The following IL1RAPL2 variants were observed in gnomAD, a reference collection of about 807,000 sequenced individuals.
IL1RAPL2 encodes the protein interleukin 1 receptor accessory protein like 2.
IL1RAPL2 carries 3 observed loss-of-function variants against 44.1 expected under a neutral mutation model. The observed-to-expected ratio is 0.07, with a 90% CI of 0.03 to 0.18. The LOEUF is 0.18. Ranked by LOEUF, IL1RAPL2 falls within the 10% of genes least tolerant of loss-of-function variation. IL1RAPL2 has a pLI of 1.00. For synonymous variants in IL1RAPL2, 181 were observed against 178.8 expected (o/e 1.01, Z -0.10); for missense variants, 391 against 496.4 (o/e 0.79, Z 2.02).
chrX:105,338,980 G>T (rs2035050321), intron 5 of IL1RAPL2, among the ~76,000 whole-genome samples: 1 of 111,186 alleles, frequency 9.0e-6, no homozygotes, highest in Non-Finnish European at 1.9e-5. Context: ...GTGTGCGCCT[G>T]TAATCCCAGC....
chrX:105,008,649 C>T (rs2030988393), intron 2 of IL1RAPL2, among the ~76,000 whole-genome samples: 1 of 110,913 alleles, frequency 9.0e-6, no homozygotes, highest in Non-Finnish European at 1.9e-5. Flanking sequence ...CATAAAAACC[C>T]TAGAGGAAAA....
chrX:104,999,183 C>T (rs1325165453), intron 2 of IL1RAPL2, among the ~76,000 whole-genome samples: 1 of 111,558 alleles, frequency 9.0e-6, no homozygotes, highest in Non-Finnish European at 1.9e-5. Context: ...GCAGGAGTGC[C>T]ATCTTGAGAA....
In IL1RAPL2 at chrX:105,495,484, A is replaced by G. The variant is rs1282883170; in HGVS notation, c.772+11097A>G. Among the ~76,000 whole-genome samples the G allele has an allele frequency of 8.0e-5, 9 of 112,211 alleles. No individual in the cohort carries two copies. The Admixed American group carries it at 8.5e-4, about 11-fold the overall frequency. On this transcript the variant is annotated intron_variant, in intron 6 of 10. Transcript: ENST00000372582. ...CTATGTATATTGAAATGTGGTGTAC[A>G]TTTGTAAGACACTTATTTTCCAAGA...
intron 3 of IL1RAPL2, among the ~76,000 whole-genome samples, chrX:105,224,332 A>G (rs2033995343): frequency 8.9e-6 from 1 of 112,176 alleles, no homozygotes; most frequent in Non-Finnish European, 1.9e-5. Context: ...ACAAAAGGTC[A>G]TTAGATTTAG....
At chrX:105,759,374 T>C (rs1314339272) in intron 10 of IL1RAPL2, among the ~76,000 whole-genome samples, 1 of 111,793 alleles carries the variant, frequency 8.9e-6, no homozygotes, top group African/African-American at 3.2e-5. Context: ...TAAGTGGACT[T>C]TGAAGAGAAA....
chrX:104,924,270 C>T (rs756892847), intron 2 of IL1RAPL2, among the ~76,000 whole-genome samples: 15 of 111,639 alleles, frequency 1.3e-4, no homozygotes, highest in Non-Finnish European at 2.3e-4. Context: ...AGTTGGTTTT[C>T]TGCCTTGATG....
intron 2 of IL1RAPL2, among the ~76,000 whole-genome samples, chrX:104,859,122 AT>A (rs1163199214): frequency 9.0e-6 from 1 of 111,068 alleles, no homozygotes; most frequent in Non-Finnish European, 1.9e-5. Context: ...TATTGCTAAT[AT>A]GTTTTTTCAC....
At chrX:105,357,910 C>T (rs1187478756) in intron 5 of IL1RAPL2, among the ~76,000 whole-genome samples, 2 of 107,638 alleles carry the variant, frequency 1.9e-5, no homozygotes, top group Admixed American at 1.0e-4. Flanking sequence ...TTTGGGAGGC[C>T]AAGGCATGAG....
At chrX:105,233,470 C>T (rs1022128205) in intron 3 of IL1RAPL2, among the ~76,000 whole-genome samples, 1 of 111,979 alleles carries the variant, frequency 8.9e-6, no homozygotes, top group Non-Finnish European at 1.9e-5. Context: ...AAAATGGCTA[C>T]AGCTCCAGTT....
intron 2 of IL1RAPL2, among the ~76,000 whole-genome samples, chrX:105,080,212 T>C (rs1202595870): frequency 8.9e-6 from 1 of 112,168 alleles, no homozygotes; most frequent in Non-Finnish European, 1.9e-5. Flanking sequence ...GTGCAGAAGC[T>C]CTTTAGTTTA....
At chrX:105,200,274 T>A (rs906856161) in intron 3 of IL1RAPL2, among the ~76,000 whole-genome samples, 20 of 112,057 alleles carry the variant, frequency 1.8e-4, no homozygotes, top group Non-Finnish European at 3.4e-4. Context: ...GCAAGAAAAA[T>A]TTACTGTTTG....
intron 2 of IL1RAPL2, among the ~76,000 whole-genome samples, chrX:104,932,061 G>C (rs1225982658): frequency 9.8e-6 from 1 of 102,346 alleles, no homozygotes; most frequent in African/African-American, 3.6e-5. Context: ...GCGTGATCTC[G>C]GCTCACTGCA....
chrX:105,195,682 A>G lies in IL1RAPL2; in HGVS notation c.290A>G (p.Glu97Gly), dbSNP rs2033667496. ...TTTTCAGAGGTCAGGATGAGCAAAG[A>G]GGAAGATTCAATATGGTTTCACTCA... ...IIFSEVRMSK[E>G]EDSIWFHSAE... Residue 97 changes from glutamate (E) to glycine (G), a missense_variant, in exon 3 of 11, where the codon GAG becomes GGG. Transcript: ENST00000372582. 8.3e-7 allele frequency: 1 copy of G among 1,211,519 alleles called. No individual in the cohort carries two copies. Among genetic ancestry groups the G allele is most frequent in the Non-Finnish European group, 1.1e-6 (1 of 895,078 alleles).
At chrX:105,078,242 C>T (rs1410178991) in intron 2 of IL1RAPL2, among the ~76,000 whole-genome samples, 1 of 111,823 alleles carries the variant, frequency 8.9e-6, no homozygotes, top group Non-Finnish European at 1.9e-5. Flanking sequence ...TGTCAGTTTT[C>T]CTTCTAACAG....
At chrX:104,727,363 G>A (rs1402121896) in intron 2 of IL1RAPL2, among the ~76,000 whole-genome samples, 1 of 110,904 alleles carries the variant, frequency 9.0e-6, no homozygotes, top group Non-Finnish European at 1.9e-5. Flanking sequence ...ATCAGAAAAT[G>A]CCAATTAAAA....
chrX:104,855,681 G>GTGTTTTTTTTTTTTT lies in IL1RAPL2; in HGVS notation c.82+196687_82+196688insGTTTTTTTTTTTTTT. Among the ~76,000 whole-genome samples, 105 of 53,855 alleles carry GTGTTTTTTTTTTTTT rather than the reference G, an allele frequency of 1.9e-3. 20 individuals carry two copies. The highest frequency in any genetic ancestry group is 5.9e-3 in the East Asian group (10 of 1,702). 46.8% of individuals were successfully genotyped at this position (53,855 alleles called of 115,157 possible). ...TTAACTGTGCTAAGGATCTGGATCC[G>GTGTTTTTTTTTTTTT]TTTTTTTTTTTTTTTTTACTGTATC... is the stretch of plus-strand genomic sequence containing the variant. On this transcript the variant is annotated intron_variant, in intron 2 of 10. Coordinates refer to ENST00000372582, the MANE Select transcript of IL1RAPL2 (RefSeq NM_017416.2).
chrX:105,035,043 G>T (rs146428987), intron 2 of IL1RAPL2, among the ~76,000 whole-genome samples: 7,886 of 111,565 alleles, frequency 0.071, 225 homozygotes, highest in East Asian at 0.12. Flanking sequence ...CTCCAAGCCA[G>T]GTGCAGGATA....
chrX:104,869,610 G>T (rs138248891), intron 2 of IL1RAPL2, among the ~76,000 whole-genome samples: 1 of 111,217 alleles, frequency 9.0e-6, no homozygotes, highest in African/African-American at 3.3e-5. Flanking sequence ...ACAACGTGCA[G>T]GTTTGTTACA....
At chrX:105,073,634 T>A (rs921920643) in intron 2 of IL1RAPL2, among the ~76,000 whole-genome samples, 1 of 111,635 alleles carries the variant, frequency 9.0e-6, no homozygotes, top group African/African-American at 3.3e-5. Flanking sequence ...ACTTCCACAA[T>A]GGTTGAACTA....
Sources: gnomAD v4.1 joint callset for allele counts (sites outside exome capture counted in the v4.1 genomes callset) on GRCh38, gnomAD v4.1.1 for gene constraint, MANE v1.5 for transcripts, NCBI Gene and HGNC (gene_info 2026-07-23, HGNC 2026-07-21) for gene names.